The following TTC29 variants were observed in gnomAD, a reference collection of about 807,000 sequenced individuals.
The protein encoded by TTC29 is tetratricopeptide repeat protein 29.
A neutral mutation model predicts 58.1 loss-of-function variants in TTC29; 49 were observed. The ratio of observed to expected loss-of-function variants is 0.84; its 90% CI spans 0.67 to 1.07. The LOEUF (loss-of-function observed/expected upper bound fraction) is 1.07. Among genes scored for constraint, TTC29 ranks in the 50% least tolerant of loss-of-function variants. The probability of loss-of-function intolerance (pLI) is 0.00; values close to 1 mark genes in which losing one functional copy is unlikely to be tolerated. For missense variants in TTC29, 582 were observed against 555.6 expected (o/e 1.05, Z -0.48); for synonymous variants, 209 against 196.8 (o/e 1.06, Z -0.52).
chr4:146,795,640 A>C (rs1407089567), intron 11 of TTC29, among the ~76,000 whole-genome samples: 1 of 152,128 alleles, frequency 6.6e-6, no homozygotes, highest in Non-Finnish European at 1.5e-5. Flanking sequence ...TTTCTAAAAA[A>C]CCCTGAATCA....
intron 11 of TTC29, among the ~76,000 whole-genome samples, chr4:146,790,476 T>A (rs1161826731): frequency 2.0e-5 from 3 of 152,114 alleles, no homozygotes; most frequent in Non-Finnish European, 4.4e-5. Flanking sequence ...CGTGAGCCAC[T>A]GCACCCGGCC....
intron 11 of TTC29, among the ~76,000 whole-genome samples, chr4:146,708,398 A>G (rs1295294909): frequency 1.4e-5 from 2 of 145,548 alleles, no homozygotes; most frequent in Non-Finnish European, 3.0e-5. Context: ...ATATATAAAC[A>G]TATATATATA....
At chr4:146,747,288 G>A (rs1443940974) in intron 11 of TTC29, among the ~76,000 whole-genome samples, 1 of 152,096 alleles carries the variant, frequency 6.6e-6, no homozygotes. Context: ...TCTTGATACT[G>A]GAGCCACTGC....
intron 10 of TTC29, among the ~76,000 whole-genome samples, chr4:146,816,524 G>A (rs552093425): frequency 6.6e-6 from 1 of 152,244 alleles, no homozygotes; most frequent in East Asian, 1.9e-4. Flanking sequence ...AAACAACGTG[G>A]TGGAGATGGG....
At chr4:146,931,536 T>C (rs1283417876) in intron 4 of TTC29, among the ~76,000 whole-genome samples, 1 of 152,198 alleles carries the variant, frequency 6.6e-6, no homozygotes, top group African/African-American at 2.4e-5. Context: ...AAAGCAAAGA[T>C]TGGAGAAAGC....
chr4:146,930,514 C>A (rs1281857729), intron 4 of TTC29, among the ~76,000 whole-genome samples: 6 of 151,980 alleles, frequency 3.9e-5, no homozygotes, highest in Admixed American at 3.9e-4. Context: ...GATGGTGATG[C>A]TGGTTATTAC....
intron 8 of TTC29, among the ~76,000 whole-genome samples, chr4:146,858,722 A>C: frequency 6.6e-6 from 1 of 152,284 alleles, no homozygotes; most frequent in East Asian, 1.9e-4. Context: ...CTTAACTCTC[A>C]CAAGGCTGTC....
intron 11 of TTC29, among the ~76,000 whole-genome samples, chr4:146,747,663 C>T (rs904201723): frequency 1.3e-5 from 2 of 152,174 alleles, no homozygotes; most frequent in African/African-American, 2.4e-5. Flanking sequence ...ACCCTGGGGA[C>T]CTCAGGCCTC....
chr4:146,912,628 G>T (rs1246584294), intron 4 of TTC29, among the ~76,000 whole-genome samples: 1 of 152,018 alleles, frequency 6.6e-6, no homozygotes, highest in Non-Finnish European at 1.5e-5. Flanking sequence ...TCAGGGCCAG[G>T]AATTAAAATT....
intron 6 of TTC29, among the ~76,000 whole-genome samples, chr4:146,880,389 C>G (rs1731546496): frequency 6.6e-6 from 1 of 152,062 alleles, no homozygotes; most frequent in African/African-American, 2.4e-5. Context: ...GGGAGTTTTA[C>G]TTTATCTAAA....
chr4:146,803,282 A>G (rs781474576), intron 11 of TTC29, among the ~76,000 whole-genome samples, 175 bp downstream of exon 11: 5 of 152,220 alleles, frequency 3.3e-5, no homozygotes, highest in Non-Finnish European at 7.3e-5. Context: ...CTTAAACATC[A>G]AAGGTATAAT....
chr4:146,766,571 T>G (rs1747339265), intron 11 of TTC29, among the ~76,000 whole-genome samples: 1 of 152,078 alleles, frequency 6.6e-6, no homozygotes, highest in African/African-American at 2.4e-5. Context: ...AATTAAAAAA[T>G]GAATTAGTAT....
At position 146,920,576 on chromosome 4, in the gene TTC29, C is replaced by G. The variant is rs577238815; in HGVS notation, c.177-11327G>C. ...AAAAACTGCATGTGTATTTCTCTTA[C>G]TATGGCATGTCTTCTAGTGAAGTAA... On this transcript the variant is annotated intron_variant, in intron 4 of 12. Coordinates refer to ENST00000325106, the MANE Select transcript of TTC29 (RefSeq NM_031956.4). Among the ~76,000 whole-genome samples, 4 of 151,040 alleles carry G rather than the reference C, an allele frequency of 2.6e-5. No individual in the cohort carries two copies. In the South Asian group the frequency reaches 8.3e-4, roughly 31 times the overall value.
chr4:146,739,175 G>C (rs1440981306), intron 11 of TTC29, among the ~76,000 whole-genome samples: 1 of 152,136 alleles, frequency 6.6e-6, no homozygotes, highest in African/African-American at 2.4e-5. Flanking sequence ...TCTATTATAG[G>C]ATGAAGACTA....
chr4:146,933,038 A>G (rs1011353758), intron 4 of TTC29, among the ~76,000 whole-genome samples: 7 of 150,110 alleles, frequency 4.7e-5, no homozygotes, highest in Non-Finnish European at 1.0e-4. Flanking sequence ...AGTCTGGGTG[A>G]CAGACCGAGA....
At chr4:146,927,597 T>G (rs1221287080) in intron 4 of TTC29, among the ~76,000 whole-genome samples, 1 of 152,144 alleles carries the variant, frequency 6.6e-6, no homozygotes. Flanking sequence ...ACATAGTATA[T>G]ACATGCATAG....
intron 11 of TTC29, among the ~76,000 whole-genome samples, chr4:146,728,354 C>G (rs1460245673): frequency 7.9e-5 from 12 of 151,650 alleles, no homozygotes; most frequent in Admixed American, 7.2e-4. Flanking sequence ...ACTCAGTGTT[C>G]TGTTGAACAT....
chr4:146,734,374 C>G (rs1485986902), intron 11 of TTC29, among the ~76,000 whole-genome samples: 1 of 152,080 alleles, frequency 6.6e-6, no homozygotes, highest in Admixed American at 6.6e-5. Context: ...TATACTTCAC[C>G]CTATGCATCT....
chr4:146,790,296 C>T (rs1207230795), intron 11 of TTC29, among the ~76,000 whole-genome samples: 1 of 151,892 alleles, frequency 6.6e-6, no homozygotes, highest in Non-Finnish European at 1.5e-5. Context: ...TCACGCCATT[C>T]TCCTGCCTCA....
Sources: allele counts gnomAD v4.1 joint callset (sites outside exome capture counted in the v4.1 genomes callset), GRCh38; gene constraint gnomAD v4.1.1; transcripts MANE v1.5; gene names NCBI Gene and HGNC (gene_info 2026-07-23, HGNC 2026-07-21).